Variants in CFAP54 observed in about 807,000 individuals in gnomAD.
The protein encoded by CFAP54 is cilia and flagella associated protein 54, also known as cilia- and flagella-associated protein 54.
In CFAP54, 290 loss-of-function variants were observed where a neutral mutation model predicts 370.4. That is an observed-to-expected ratio of 0.78 (90% CI 0.71 to 0.86). The LOEUF (loss-of-function observed/expected upper bound fraction) is 0.86. Among genes scored for constraint, CFAP54 ranks in the 40% least tolerant of loss-of-function variants. The pLI, the probability that CFAP54 is intolerant of heterozygous loss-of-function variation, is 0.00. For missense variants in CFAP54, 3,399 were observed against 3,528.7 expected (o/e 0.96, Z 0.93); for synonymous variants, 1,206 against 1,236.5 (o/e 0.98, Z 0.52).
chr12:96,650,247 C>T (rs902335871), intron 35 of CFAP54, among the ~76,000 whole-genome samples, 175 bp downstream of exon 35: 1 of 152,142 alleles, frequency 6.6e-6, no homozygotes, highest in Non-Finnish European at 1.5e-5. Context: ...TGCAGTGATA[C>T]TGAGGGCATG....
rs756774957 is a variant in CFAP54, at chr12:96,489,869, G to A, written c.260G>A (p.Arg87Lys). The A allele has an allele frequency of 2.0e-6, 3 of 1,535,702 alleles. No individual in the cohort carries two copies. The highest frequency in any genetic ancestry group is 1.2e-5 in the South Asian group (1 of 84,062). ...ATCCAGGAGTTGTTAGGCTTTATGAGGAAAAAGAAGGCTTTAGCCACCACG... is the reference window on the plus strand; with the variant it reads ...ATCCAGGAGTTGTTAGGCTTTATGAAGAAAAAGAAGGCTTTAGCCACCACG... The part of the protein sequence containing the change: ...KEIQELLGFM[R>K]KKKALATTEE... The change falls in exon 1 of 68, where the codon AGG (arginine) becomes AAG (lysine). Residue 87 changes from arginine to lysine, a missense_variant. Coordinates refer to ENST00000524981, the MANE Select transcript of CFAP54 (RefSeq NM_001306084.2).
At chr12:96,680,031 GTTC>G (rs1444391218) in intron 40 of CFAP54, among the ~76,000 whole-genome samples, 2 of 152,158 alleles carry the variant, frequency 1.3e-5, no homozygotes, top group African/African-American at 4.8e-5. Context: ...GTACATTTAT[GTTC>G]TTCTTACAGT....
At chr12:96,756,239 G>C (rs1256675752) in intron 56 of CFAP54, among the ~76,000 whole-genome samples, 1 of 152,104 alleles carries the variant, frequency 6.6e-6, no homozygotes, top group African/African-American at 2.4e-5. Context: ...GCCAAAGAAG[G>C]CTTGCCTCAT....
intron 60 of CFAP54, among the ~76,000 whole-genome samples, chr12:96,771,601 G>A (rs1452725171): frequency 2.0e-5 from 3 of 152,134 alleles, no homozygotes; most frequent in East Asian, 1.9e-4. Context: ...GCAGTGAGCC[G>A]AGATAGCGCC....
chr12:96,845,077 C>T (rs1407905096), intron 66 of CFAP54, among the ~76,000 whole-genome samples: 1 of 152,142 alleles, frequency 6.6e-6, no homozygotes, highest in Non-Finnish European at 1.5e-5. Context: ...AATTTTTACT[C>T]CTCTTTAATC....
At chr12:96,854,527 C>T (rs886281292) in intron 66 of CFAP54, among the ~76,000 whole-genome samples, 2 of 151,742 alleles carry the variant, frequency 1.3e-5, no homozygotes, top group Admixed American at 6.6e-5. Flanking sequence ...ATCAATAGTA[C>T]AAAAATTGAA....
chr12:96,493,177 CTTTA>C (rs1340305365), intron 1 of CFAP54, among the ~76,000 whole-genome samples: 2 of 152,110 alleles, frequency 1.3e-5, no homozygotes. Flanking sequence ...CAATTTTGGC[CTTTA>C]TTTATACAAT....
At chr12:96,660,275 G>A (rs1956978645) in intron 38 of CFAP54, among the ~76,000 whole-genome samples, 2 of 152,262 alleles carry the variant, frequency 1.3e-5, no homozygotes, top group South Asian at 4.1e-4. Context: ...CAAGGGGCAT[G>A]GGAGAAAGAG....
intron 9 of CFAP54, among the ~76,000 whole-genome samples, chr12:96,532,517 A>T (rs1390398881): frequency 6.6e-6 from 1 of 152,184 alleles, no homozygotes; most frequent in African/African-American, 2.4e-5. Context: ...ACCCTCATGC[A>T]TATTGATCCT....
At chr12:96,677,177 TA>T (rs1957220059) in intron 39 of CFAP54, among the ~76,000 whole-genome samples, 1 of 124,890 alleles carries the variant, frequency 8.0e-6, no homozygotes, top group Non-Finnish European at 1.7e-5. Context: ...TAACTTATTT[TA>T]TTTTATTTTT....
intron 66 of CFAP54, among the ~76,000 whole-genome samples, chr12:96,831,516 A>C (rs141110061): frequency 6.6e-6 from 1 of 152,200 alleles, no homozygotes; most frequent in Non-Finnish European, 1.5e-5. Flanking sequence ...TACAAAGCCT[A>C]ACTTATTTAT....
chr12:96,818,413 G>A (rs747683910), intron 65 of CFAP54, among the ~76,000 whole-genome samples: 3 of 152,136 alleles, frequency 2.0e-5, no homozygotes, highest in Non-Finnish European at 2.9e-5. Flanking sequence ...GATGACCGAT[G>A]TTTGTATTTT....
chr12:96,748,248 T>C (rs1301084451), intron 55 of CFAP54, among the ~76,000 whole-genome samples: 1 of 152,262 alleles, frequency 6.6e-6, no homozygotes, highest in East Asian at 1.9e-4. Context: ...GAAGTTTCGC[T>C]CCTTCTCTCC....
chr12:96,570,545 G>A (rs1955906563), intron 19 of CFAP54, among the ~76,000 whole-genome samples: 1 of 152,092 alleles, frequency 6.6e-6, no homozygotes, highest in Non-Finnish European at 1.5e-5. Context: ...TAGCATAGTG[G>A]TTAGGAGTAT....
intron 50 of CFAP54, 69 bp from the exon 51 acceptor site, chr12:96,739,887 T>C: frequency 2.1e-6 from 2 of 956,988 alleles, no homozygotes; most frequent in Non-Finnish European, 3.1e-6. Context: ...GAGAAAGTGA[T>C]TTAGGAAATA....
intron 38 of CFAP54, among the ~76,000 whole-genome samples, 161 bp from the exon 39 acceptor site, chr12:96,663,669 G>T (rs907431649): frequency 1.3e-5 from 2 of 152,048 alleles, no homozygotes; most frequent in South Asian, 2.1e-4. Context: ...TTTTTTTCAT[G>T]AAAGTTCTCA....
rs149202038 is a variant in CFAP54 at position 96,719,680 on chromosome 12, C to T, written c.6805-725C>T. ...AGAAAAATTTGAGCTGCTCAATGCA[C>T]GTATTCCCAGCTGAGTTGAACAAGG... On this transcript the variant is annotated intron_variant, in intron 49 of 67. Coordinates refer to ENST00000524981, the MANE Select transcript of CFAP54 (RefSeq NM_001306084.2). 2.9e-3 allele frequency among the ~76,000 whole-genome samples: 440 copies of T among 152,320 alleles called. 1 individual carries two copies. The highest frequency in any genetic ancestry group is 1.0e-2 in the African/African-American group (414 of 41,562).
chr12:96,524,958 C>T (rs2136372455), intron 8 of CFAP54, among the ~76,000 whole-genome samples: 1 of 152,096 alleles, frequency 6.6e-6, no homozygotes, highest in South Asian at 2.1e-4. Context: ...TTCAGACATG[C>T]TTATTTTTTT....
chr12:96,594,455 A>T lies in CFAP54; in HGVS notation c.3516+9A>T, dbSNP rs1371858971. 1.3e-6 allele frequency: 2 copies of T among 1,489,580 alleles called. No individual in the cohort carries two copies. The highest frequency in any genetic ancestry group is 1.8e-6 in the Non-Finnish European group (2 of 1,115,908). 92.3% of individuals were successfully genotyped at this position (1,489,580 alleles called of 1,614,324 possible). A position where few individuals can be genotyped will look rare whatever the true frequency, so the allele number is the denominator to read the frequency against. On this transcript the variant is annotated intron_variant, in intron 25 of 67. Transcript: ENST00000524981. ...TGGTACCTGTTGTACAGGTAAGGGT[A>T]TTCCTCTCCCCAAGAGAAGGGAATC...
Sources: gnomAD v4.1 joint callset for allele counts (sites outside exome capture counted in the v4.1 genomes callset) on GRCh38, gnomAD v4.1.1 for gene constraint, MANE v1.5 for transcripts, NCBI Gene and HGNC (gene_info 2026-07-23, HGNC 2026-07-21) for gene names.